PARP14: variants seen among roughly 807,000 people sequenced by gnomAD.
PARP14 encodes the protein poly(ADP-ribose) polymerase family member 14, also known as protein mono-ADP-ribosyltransferase PARP14.
Under a neutral mutation model 154.2 loss-of-function variants are expected in PARP14, and 59 were observed. The ratio of observed to expected loss-of-function variants is 0.38; its 90% CI spans 0.31 to 0.48. The LOEUF (loss-of-function observed/expected upper bound fraction) is 0.48, where lower values mean the gene tolerates loss of function less well. Among genes scored for constraint, PARP14 ranks in the 20% least tolerant of loss-of-function variants. The pLI is 0.98. For missense variants in PARP14, 1,734 were observed against 2,131.6 expected, an observed-to-expected ratio of 0.81 and a Z score of 3.67; for synonymous variants, 720 against 780.5, an observed-to-expected ratio of 0.92 and a Z score of 1.29.
Position 122,703,813 on chromosome 3 carries a change from G to A in PARP14, c.3153G>A (p.Leu1051=). ...LSRGPLSKSL[L]EKAGPELQEE... is the part of the protein sequence containing the mutation. ...GAGGGCCTCTTTCTAAGTCCCTCTT[G>A]GAAAAAGCTGGACCAGAGCTCCAGG... is the stretch of plus-strand genomic sequence containing the variant. Residue 1051 remains leucine, a synonymous_variant, in exon 7 of 17, where the codon TTG becomes TTA. Coordinates refer to ENST00000474629, the MANE Select transcript of PARP14 (RefSeq NM_017554.3). 1 of 1,613,938 alleles carries A rather than the reference G, an allele frequency of 6.2e-7. No homozygotes were observed. Among genetic ancestry groups the A allele is most frequent in the Non-Finnish European group, 8.5e-7 (1 of 1,179,834 alleles).
intron 9 of PARP14, among the ~76,000 whole-genome samples, chr3:122,712,439 G>A (rs74837052): frequency 0.027 from 4,041 of 152,020 alleles, 174 homozygotes; most frequent in African/African-American, 0.09. Flanking sequence ...GCAGAGAGAA[G>A]GTTTTACCAT....
chr3:122,712,225 T>A (rs2107650149), intron 9 of PARP14, among the ~76,000 whole-genome samples: 1 of 147,878 alleles, frequency 6.8e-6, no homozygotes. Context: ...ATTCACATCT[T>A]TTTGGGATTC....
intron 6 of PARP14, among the ~76,000 whole-genome samples, chr3:122,703,470 G>A (rs1939050988): frequency 6.6e-6 from 1 of 152,072 alleles, no homozygotes; most frequent in Admixed American, 6.6e-5. Context: ...ATTGCCCATG[G>A]TATCTTCACT....
intron 4 of PARP14, 55 bp downstream of exon 4, chr3:122,692,598 T>G: frequency 6.8e-7 from 1 of 1,478,386 alleles, no homozygotes; most frequent in Non-Finnish European, 9.2e-7. Context: ...ATCATGAGAC[T>G]TGAGATACCT....
chr3:122,703,301 C>T (rs1466511051), intron 6 of PARP14, among the ~76,000 whole-genome samples: 1 of 152,136 alleles, frequency 6.6e-6, no homozygotes, highest in Non-Finnish European at 1.5e-5. Flanking sequence ...CTAGTTTACC[C>T]CCAGTGTAAC....
intron 14 of PARP14, 88 bp from the exon 15 acceptor site, chr3:122,720,167 G>A (rs536928568): frequency 7.7e-7 from 1 of 1,291,134 alleles, no homozygotes; most frequent in South Asian, 1.3e-5. Context: ...GCTTAGAATT[G>A]GGAGATAGTA....
chr3:122,684,331 G>C (rs548975525), intron 1 of PARP14, among the ~76,000 whole-genome samples: 1 of 152,050 alleles, frequency 6.6e-6, no homozygotes, highest in Non-Finnish European at 1.5e-5. Context: ...ACTTCTTCCC[G>C]TTCTTCATGG....
At chr3:122,721,860 C>T (rs1025681904) in intron 15 of PARP14, 2 of 151,982 alleles carry the variant, frequency 1.3e-5, no homozygotes, top group African/African-American at 4.8e-5. Context: ...TCAAAGTGCC[C>T]TACAAAGATA....
chr3:122,685,750 G>C (rs1271032), intron 2 of PARP14, among the ~76,000 whole-genome samples: 89,829 of 151,846 alleles, frequency 0.59, 29,392 homozygotes, highest in African/African-American at 0.88. Flanking sequence ...CCTCATGATC[G>C]GCCCACCTAG....
chr3:122,724,000 T>C (rs1287122978), intron 15 of PARP14, among the ~76,000 whole-genome samples: 3 of 152,252 alleles, frequency 2.0e-5, no homozygotes, highest in Non-Finnish European at 4.4e-5. Flanking sequence ...TTCTGTTAGA[T>C]GTACACATTA....
intron 9 of PARP14, among the ~76,000 whole-genome samples, chr3:122,709,358 T>C (rs1939252044): frequency 6.6e-6 from 1 of 152,230 alleles, no homozygotes. Context: ...TCCAGCTCCA[T>C]CCAAGTTGCT....
At chr3:122,704,402 G>C in intron 7 of PARP14, 125 bp from the exon 8 acceptor site, 1 of 611,584 alleles carries the variant, frequency 1.6e-6, no homozygotes, top group Non-Finnish European at 2.9e-6. Flanking sequence ...TCTTCTGATT[G>C]CCCTTAATCA....
At position 122,692,400 on chromosome 3, in the gene PARP14, C is replaced by T. The variant is rs1938571099; in HGVS notation, c.455C>T (p.Ala152Val). Reference protein sequence around the residue: ...EECENISSLVAFENLKANVTD... With the variant: ...EECENISSLVVFENLKANVTD... ...TGTGAAAATATTTCCTCTTTGGTGG[C>T]ATTTGAAAACCTCAAGGCAAATGTG... The change falls in exon 4 of 17, where the codon GCA becomes GTA. Residue 152 changes from alanine to valine, a missense_variant. By Grantham distance (64) the Ala-to-Val change is moderately conservative. Around this residue, in one of 2 missense-constraint regions of PARP14, gnomAD observed 1,646 missense variants for 1,976.0 expected, o/e 0.83. Coordinates refer to ENST00000474629, the MANE Select transcript of PARP14 (RefSeq NM_017554.3). 1.9e-6 allele frequency: 3 copies of T among 1,613,578 alleles called. No homozygotes were observed. The highest frequency in any genetic ancestry group is 1.3e-5 in the African/African-American group (1 of 74,910).
Position 122,692,536 on chromosome 3 carries a change from G to T in PARP14, c.591G>T (p.Lys197Asn), listed in dbSNP as rs769241342. The change falls in exon 4 of 17, where the codon AAG (lysine) becomes AAT (asparagine). Residue 197 changes from lysine to asparagine, a missense_variant. Lys to Asn is a moderately conservative substitution (Grantham distance 94). This residue lies in a region of PARP14 where 1,646 missense variants were observed against 1,976.0 expected (regional missense o/e 0.83). Coordinates refer to ENST00000474629, the MANE Select transcript of PARP14 (RefSeq NM_017554.3). ...DFDVAVVTFQKHIDTIRFVDD... is the reference protein window; with the variant it reads ...DFDVAVVTFQNHIDTIRFVDD... ...ATGTTGCTGTTGTTACCTTTCAAAAGCACATAGGTAAGATGAAGTGACACT... is the reference window on the plus strand; with the variant it reads ...ATGTTGCTGTTGTTACCTTTCAAAATCACATAGGTAAGATGAAGTGACACT... The T allele has an allele frequency of 6.2e-7, 1 of 1,607,668 alleles. No homozygotes were observed. Among genetic ancestry groups the T allele is most frequent in the Non-Finnish European group, 8.5e-7 (1 of 1,175,068 alleles).
At chr3:122,693,675 CA>C (rs5852309) in intron 4 of PARP14, among the ~76,000 whole-genome samples, 65,961 of 151,110 alleles carry the variant, frequency 0.44, 16,842 homozygotes, top group African/African-American at 0.7. Flanking sequence ...TGCATCTCTA[CA>C]AAAAAAATAC....
At chr3:122,721,175 G>T in intron 15 of PARP14, 2 of 289,552 alleles carry the variant, frequency 6.9e-6, no homozygotes, top group South Asian at 5.8e-5. Flanking sequence ...ACCTCACCAG[G>T]GAATATATTT....
At chr3:122,715,841 C>T (rs1302301291) in intron 12 of PARP14, among the ~76,000 whole-genome samples, 1 of 152,022 alleles carries the variant, frequency 6.6e-6, no homozygotes, top group Non-Finnish European at 1.5e-5. Context: ...CAAAGGAGTC[C>T]CTGGTAGAGT....
intron 3 of PARP14, among the ~76,000 whole-genome samples, chr3:122,690,804 G>T (rs185065912): frequency 1.4e-4 from 21 of 152,288 alleles, no homozygotes; most frequent in South Asian, 4.1e-4. Context: ...GAGCCACTGC[G>T]CCTGGCCACA....
At chr3:122,685,567 T>G in intron 2 of PARP14, among the ~76,000 whole-genome samples, 1 of 148,924 alleles carries the variant, frequency 6.7e-6, no homozygotes, top group Admixed American at 6.8e-5. Context: ...TGGAGTACAG[T>G]GGTATAATCT....
Sources: gnomAD v4.1 joint callset for allele counts (sites outside exome capture counted in the v4.1 genomes callset) on GRCh38, gnomAD v4.1.1 for gene constraint, gnomAD v4.1.1 regional missense constraint, MANE v1.5 for transcripts, NCBI Gene and HGNC (gene_info 2026-07-23, HGNC 2026-07-21) for gene names.